PALM2AKAP2: variants seen among roughly 807,000 people sequenced by gnomAD.
PALM2AKAP2 encodes PALM2-AKAP2 fusion protein.
A neutral mutation model predicts 71.5 loss-of-function variants in PALM2AKAP2; 37 were observed. The observed-to-expected ratio is 0.52, with a 90% CI of 0.40 to 0.68. The LOEUF (loss-of-function observed/expected upper bound fraction) is 0.68, where lower values mean the gene tolerates loss of function less well. PALM2AKAP2 is among the 30% of genes least tolerant of loss of function. PALM2AKAP2 has a pLI of 0.00. For missense variants in PALM2AKAP2, 1,224 were observed against 1,191.8 expected, an observed-to-expected ratio of 1.03 and a Z score of -0.40; for synonymous variants, 468 against 478.8, an observed-to-expected ratio of 0.98 and a Z score of 0.29.
At chr9:109,904,127 C>A (rs752165449) in intron 3 of PALM2AKAP2, among the ~76,000 whole-genome samples, 5 of 152,164 alleles carry the variant, frequency 3.3e-5, no homozygotes, top group Admixed American at 2.0e-4. Context: ...TTGAATAGTA[C>A]TTGCTCCATG....
upstream of PALM2AKAP2, among the ~76,000 whole-genome samples, chr9:109,779,517 G>T (rs1829400067): frequency 6.6e-6 from 1 of 151,700 alleles, no homozygotes. Flanking sequence ...ACACCTATGT[G>T]ATCCTCCATT....
intron 1 of PALM2AKAP2, among the ~76,000 whole-genome samples, chr9:109,837,442 C>T (rs1217620089): frequency 1.3e-5 from 2 of 152,144 alleles, no homozygotes; most frequent in East Asian, 3.8e-4. Context: ...TTGTAAAGAC[C>T]ATCGAGGCTA....
chr9:109,643,307 A>G (rs1390357720), intron 1 of PALM2AKAP2, among the ~76,000 whole-genome samples: 1 of 152,214 alleles, frequency 6.6e-6, no homozygotes, highest in African/African-American at 2.4e-5. Flanking sequence ...ACTGTCCTTT[A>G]CAAGAGACTG....
intron 6 of PALM2AKAP2, among the ~76,000 whole-genome samples, chr9:109,996,329 A>G (rs954271641): frequency 1.3e-5 from 2 of 152,238 alleles, no homozygotes; most frequent in African/African-American, 4.8e-5. Context: ...TATTTGTGAA[A>G]TAATTGGAGA....
chr9:109,975,668 A>G (rs1303410548), intron 6 of PALM2AKAP2, among the ~76,000 whole-genome samples: 1 of 152,184 alleles, frequency 6.6e-6, no homozygotes, highest in Non-Finnish European at 1.5e-5. Flanking sequence ...GACTTGCTTT[A>G]AAAATAGTCT....
chr9:109,943,626 A>G (rs1831430438), intron 6 of PALM2AKAP2: 4 of 669,976 alleles, frequency 6.0e-6, no homozygotes, highest in Non-Finnish European at 2.5e-6. Context: ...CATTCTCTCC[A>G]AGAACTTGCT....
intron 1 of PALM2AKAP2, among the ~76,000 whole-genome samples, chr9:110,130,938 C>T (rs920862978): frequency 6.6e-6 from 1 of 152,168 alleles, no homozygotes; most frequent in Non-Finnish European, 1.5e-5. Flanking sequence ...TAATGAAAAC[C>T]TATTTCTCAC....
At chr9:109,697,418 AAGAT>A (rs1381652589) in intron 1 of PALM2AKAP2, among the ~76,000 whole-genome samples, 2 of 152,184 alleles carry the variant, frequency 1.3e-5, no homozygotes, top group Non-Finnish European at 2.9e-5. Flanking sequence ...TAGAAGGAAG[AAGAT>A]AGAGTGAATT....
intron 1 of PALM2AKAP2, among the ~76,000 whole-genome samples, chr9:110,125,320 C>T (rs535724938): frequency 6.8e-4 from 103 of 152,330 alleles, no homozygotes; most frequent in African/African-American, 2.0e-3. Flanking sequence ...CAGCCTTGAG[C>T]GTGACAGGAG....
chr9:110,042,614 T>C (rs1833528710), intron 7 of PALM2AKAP2, among the ~76,000 whole-genome samples: 1 of 152,212 alleles, frequency 6.6e-6, no homozygotes, highest in Non-Finnish European at 1.5e-5. Context: ...TAGGAATTAA[T>C]TGACTAAATA....
At chr9:110,061,083 A>T (rs1833955789) in intron 1 of PALM2AKAP2, among the ~76,000 whole-genome samples, 1 of 152,158 alleles carries the variant, frequency 6.6e-6, no homozygotes, top group Non-Finnish European at 1.5e-5. Flanking sequence ...ACGTCTCATG[A>T]ACTCCACAAG....
intron 1 of PALM2AKAP2, among the ~76,000 whole-genome samples, chr9:109,816,688 C>G (rs541088442): frequency 2.0e-5 from 3 of 152,286 alleles, no homozygotes; most frequent in African/African-American, 7.2e-5. Context: ...TTTCATATAG[C>G]TCCTGTGAGC....
Position 110,137,057 on chromosome 9 carries a change from C to T in PALM2AKAP2, c.1087C>T (p.Gln363Ter). 6.2e-7 allele frequency: 1 copy of T among 1,614,038 alleles called. No individual in the cohort carries two copies. The highest frequency in any genetic ancestry group is 8.5e-7 in the Non-Finnish European group (1 of 1,179,988). ...CAAGGAGCGCAAAGAGAGAAGGGCA[C>T]AGCAGGAACAGTTGCTGCTGCAGAA... The change falls in exon 2 of 4, where the codon CAG becomes TAG. Residue 363 changes from glutamine (Q) to a stop codon, truncating the protein, a stop_gained. Coordinates refer to ENST00000374525, the Ensembl canonical transcript of PALM2AKAP2. LOFTEE classifies it high-confidence loss of function.
chr9:110,017,002 C>A (rs1832993903), intron 7 of PALM2AKAP2, among the ~76,000 whole-genome samples: 1 of 152,160 alleles, frequency 6.6e-6, no homozygotes, highest in Admixed American at 6.5e-5. Context: ...GCCTCAGCCT[C>A]CTGAGTAGCT....
intron 1 of PALM2AKAP2, among the ~76,000 whole-genome samples, chr9:109,686,776 A>G (rs534179035): frequency 4.6e-5 from 7 of 152,074 alleles, no homozygotes; most frequent in African/African-American, 1.4e-4. Flanking sequence ...TGCTGCACCC[A>G]CTAACTCCTC....
chr9:109,892,337 C>T (rs1328704379), intron 3 of PALM2AKAP2, among the ~76,000 whole-genome samples: 1 of 152,140 alleles, frequency 6.6e-6, no homozygotes, highest in African/African-American at 2.4e-5. Context: ...CTCATAAAGA[C>T]CCCTATCATT....
At chr9:110,008,093 T>A (rs898988383) in intron 6 of PALM2AKAP2, among the ~76,000 whole-genome samples, 4 of 152,156 alleles carry the variant, frequency 2.6e-5, no homozygotes, top group Non-Finnish European at 5.9e-5. Context: ...GGTGGGAAAG[T>A]TTGAGTTATA....
intron 1 of PALM2AKAP2, among the ~76,000 whole-genome samples, chr9:109,700,871 T>C (rs894939718): frequency 3.3e-5 from 5 of 152,198 alleles, no homozygotes; most frequent in Non-Finnish European, 5.9e-5. Flanking sequence ...TAACACCAAA[T>C]AAAATTAGCC....
intron 1 of PALM2AKAP2, among the ~76,000 whole-genome samples, chr9:109,753,559 A>C (rs1303435636): frequency 6.6e-6 from 1 of 152,196 alleles, no homozygotes; most frequent in East Asian, 1.9e-4. Flanking sequence ...GATGATCTGC[A>C]TGCAAGCAAG....
Sources: gnomAD v4.1 joint callset for allele counts (sites outside exome capture counted in the v4.1 genomes callset) on GRCh38, gnomAD v4.1.1 for gene constraint, MANE v1.5 for transcripts, NCBI Gene and HGNC (gene_info 2026-07-23, HGNC 2026-07-21) for gene names.